The following CCDC141 variants were observed in gnomAD, a reference collection of about 807,000 sequenced individuals.
The protein encoded by CCDC141 is coiled-coil domain-containing protein 141.
Under a neutral mutation model 181.0 loss-of-function variants are expected in CCDC141, and 168 were observed. The ratio of observed to expected loss-of-function variants is 0.93; its 90% confidence interval spans 0.82 to 1.05. The LOEUF is 1.05. Ranked by LOEUF, CCDC141 falls within the 50% of genes least tolerant of loss-of-function variation. The pLI is 0.00. For synonymous variants in CCDC141, 666 were observed against 642.3 expected (o/e 1.04, Z -0.56); for missense variants, 1,902 against 1,788.5 (o/e 1.06, Z -1.14).
chr2:178,931,837 G>A (rs1190383870), intron 6 of CCDC141, among the ~76,000 whole-genome samples: 1 of 152,040 alleles, frequency 6.6e-6, no homozygotes, highest in Admixed American at 6.6e-5. Context: ...CCCATATTAT[G>A]TTGTGTTTCT....
At chr2:178,886,966 CT>C in intron 9 of CCDC141, 95 bp from the exon 10 acceptor site, 1 of 685,866 alleles carries the variant, frequency 1.5e-6, no homozygotes, top group Non-Finnish European at 2.1e-6. Flanking sequence ...TTTATAGATT[CT>C]CATTATACTT....
chr2:178,877,811 T>C, intron 12 of CCDC141, 153 bp downstream of exon 12: 1 of 715,582 alleles, frequency 1.4e-6, no homozygotes, highest in Non-Finnish European at 2.4e-6. Context: ...CATTTAAATG[T>C]TGGGCTTCAG....
intron 6 of CCDC141, among the ~76,000 whole-genome samples, chr2:178,940,767 G>T (rs1460500802): frequency 6.6e-6 from 1 of 152,108 alleles, no homozygotes; most frequent in Admixed American, 6.5e-5. Flanking sequence ...AATGTGCTGG[G>T]AATACCAAGG....
intron 2 of CCDC141, among the ~76,000 whole-genome samples, chr2:178,990,735 G>T (rs77548870): frequency 0.047 from 7,100 of 152,114 alleles, 213 homozygotes; most frequent in South Asian, 0.078. Context: ...CCACTTACAT[G>T]AAATATGTAG....
intron 22 of CCDC141, among the ~76,000 whole-genome samples, chr2:178,839,216 A>G (rs1684616457): frequency 6.6e-6 from 1 of 152,142 alleles, no homozygotes; most frequent in South Asian, 2.1e-4. Flanking sequence ...GATAGAGACC[A>G]TCCTGGCTAA....
chr2:178,848,402 C>G (rs903201477), intron 21 of CCDC141, among the ~76,000 whole-genome samples: 2 of 152,132 alleles, frequency 1.3e-5, no homozygotes, highest in African/African-American at 4.8e-5. Context: ...ACTAGCAGAA[C>G]TATTTAGGAA....
Position 178,829,817 on chromosome 2 carries a change from G to A in CCDC141, c.*4356C>T, listed in dbSNP as rs1405436680. ...CTTATTTCATGGCTGCACTTAAAATGCTGTGCATACAACAGGAGTTTCAAA... is the reference window on the plus strand; with the variant it reads ...CTTATTTCATGGCTGCACTTAAAATACTGTGCATACAACAGGAGTTTCAAA... On this transcript the variant is annotated 3_prime_UTR_variant, in exon 24 of 24. Transcript: ENST00000443758. 6.6e-6 allele frequency: 1 copy of A among 152,220 alleles called. No homozygotes were observed. Among genetic ancestry groups the A allele is most frequent in the Admixed American group, 6.5e-5 (1 of 15,280 alleles). 9.4% of individuals were successfully genotyped at this position (152,220 alleles called of 1,614,324 possible). A position where few individuals can be genotyped will look rare whatever the true frequency, so the allele number is the denominator to read the frequency against.
Position 179,017,642 on chromosome 2 carries a change from T to C in CCDC141, c.225+29642A>G, listed in dbSNP as rs374173801. ...AATACACTTCAATCTATTTGCAAAG[T>C]ATAAAAAAATCAATTTTTGTCCTTA... On this transcript the variant is annotated intron_variant, in intron 2 of 23. Coordinates refer to ENST00000443758, the MANE Select transcript of CCDC141 (RefSeq NM_173648.4). Among the ~76,000 whole-genome samples the C allele has an allele frequency of 1.4e-4, 22 of 152,248 alleles. No homozygotes were observed. The East Asian group carries it at 4.0e-3, about 28-fold the overall frequency.
At chr2:178,868,644 G>A (rs866568678) in intron 15 of CCDC141, among the ~76,000 whole-genome samples, 1 of 110,260 alleles carries the variant, frequency 9.1e-6, no homozygotes, top group Non-Finnish European at 1.8e-5. Context: ...CTTGGTTTTC[G>A]CCCTCAAAGA....
chr2:178,941,695 G>A (rs1283759008), intron 6 of CCDC141, among the ~76,000 whole-genome samples: 1 of 151,796 alleles, frequency 6.6e-6, no homozygotes, highest in African/African-American at 2.4e-5. Context: ...GTTCATGCCT[G>A]TAATCCCAGC....
chr2:178,930,677 T>C (rs533853930), intron 6 of CCDC141, among the ~76,000 whole-genome samples: 1 of 152,236 alleles, frequency 6.6e-6, no homozygotes, highest in South Asian at 2.1e-4. Context: ...TAATTTTCAG[T>C]GAGTGTGCCA....
chr2:178,855,238 G>C, intron 19 of CCDC141, 109 bp downstream of exon 19: 3 of 848,074 alleles, frequency 3.5e-6, no homozygotes, highest in Non-Finnish European at 3.7e-6. Context: ...AAAGGAGCAT[G>C]ATACATGAAT....
chr2:178,948,566 T>C (rs1689824937), intron 5 of CCDC141, among the ~76,000 whole-genome samples: 1 of 152,160 alleles, frequency 6.6e-6, no homozygotes, highest in Admixed American at 6.5e-5. Context: ...TTGATGTGTG[T>C]CCCCTCTAAA....
intron 2 of CCDC141, among the ~76,000 whole-genome samples, chr2:179,039,609 A>G (rs1449582955): frequency 2.0e-5 from 3 of 152,196 alleles, no homozygotes; most frequent in Admixed American, 2.0e-4. Context: ...ACCGAATCCT[A>G]CACCCTTCCA....
At chr2:179,005,130 C>T (rs1015518081) in intron 2 of CCDC141, among the ~76,000 whole-genome samples, 1 of 152,166 alleles carries the variant, frequency 6.6e-6, no homozygotes, top group Non-Finnish European at 1.5e-5. Flanking sequence ...TTTAGGAATG[C>T]TCTATTCAAA....
At chr2:178,981,782 A>C (rs1309642408) in intron 2 of CCDC141, among the ~76,000 whole-genome samples, 1 of 149,812 alleles carries the variant, frequency 6.7e-6, no homozygotes, top group Non-Finnish European at 1.5e-5. Context: ...AAGTAAACAG[A>C]AGAAAATAAT....
chr2:179,044,538 T>C (rs768118675), intron 2 of CCDC141, among the ~76,000 whole-genome samples: 14 of 151,748 alleles, frequency 9.2e-5, no homozygotes, highest in Non-Finnish European at 1.5e-4. Flanking sequence ...CTGGATGGAG[T>C]AGGGATGAAG....
the CCDC141 span, among the ~76,000 whole-genome samples, chr2:178,815,770 A>G: frequency 6.6e-6 from 1 of 152,184 alleles, no homozygotes; most frequent in South Asian, 2.1e-4. Context: ...GTTATGTTGT[A>G]TTTTTTATTT....
chr2:178,980,605 C>T (rs931189990), intron 2 of CCDC141, among the ~76,000 whole-genome samples: 9 of 152,118 alleles, frequency 5.9e-5, no homozygotes, highest in African/African-American at 2.2e-4. Flanking sequence ...CGTGCCCTTG[C>T]TCTACCCCTC....
Sources: allele counts gnomAD v4.1 joint callset (sites outside exome capture counted in the v4.1 genomes callset), GRCh38; gene constraint gnomAD v4.1.1; transcripts MANE v1.5; gene names NCBI Gene and HGNC (gene_info 2026-07-23, HGNC 2026-07-21).